RYR1: variants seen among roughly 807,000 people sequenced by gnomAD.
The protein encoded by RYR1 is central core disease of muscle.
In RYR1, 342 loss-of-function variants were observed where a neutral mutation model predicts 583.5. That is an observed-to-expected ratio of 0.59 (90% confidence interval 0.54 to 0.64). The LOEUF (loss-of-function observed/expected upper bound fraction) is 0.64, where lower values mean the gene tolerates loss of function less well. Among genes scored for constraint, RYR1 ranks in the 30% least tolerant of loss-of-function variants. The pLI is 0.00. For synonymous variants in RYR1, 2,791 were observed against 2,822.5 expected, an observed-to-expected ratio of 0.99 and a Z score of 0.35; for missense variants, 6,032 against 6,917.2, an observed-to-expected ratio of 0.87 and a Z score of 4.54.
At position 38,565,452 on chromosome 19, in the gene RYR1, A is replaced by G. The variant is rs2145845951; in HGVS notation, c.13118A>G (p.Lys4373Arg). 1 of 1,499,104 alleles carries G rather than the reference A, an allele frequency of 6.7e-7. No homozygotes were observed. Among genetic ancestry groups the G allele is most frequent in the East Asian group, 2.8e-5 (1 of 36,192 alleles). The allele number at this position is 1,499,104 out of a possible 1,614,324, so 92.9% of individuals were successfully genotyped here. ...FGGGLVEGAK[K>R]VTVTELLAGM... ...GGCGGCCTGGTGGAGGGCGCCAAGAAGGTGACGGTGACCGAGCTCCTGGCA... is the reference window on the plus strand; with the variant it reads ...GGCGGCCTGGTGGAGGGCGCCAAGAGGGTGACGGTGACCGAGCTCCTGGCA... The change falls in exon 91 of 106, where the codon AAG becomes AGG. Residue 4373 changes from lysine (K) to arginine (R), a missense_variant. Around this residue, in one of 11 missense-constraint regions of RYR1, gnomAD observed 753 missense variants for 759.6 expected, o/e 0.99. Transcript: ENST00000359596. This position sits in a 1 kb window ranked among gnomAD's most constrained non-coding sequence, Gnocchi z 4.7.
Position 38,485,649 on chromosome 19 carries a change from C to T in RYR1, c.4994C>T (p.Thr1665Ile), listed in dbSNP as rs1458708069. 1 of 1,610,656 alleles carries T rather than the reference C, an allele frequency of 6.2e-7. No homozygotes were observed. The highest frequency in any genetic ancestry group is 8.5e-7 in the Non-Finnish European group (1 of 1,179,944). The part of the protein sequence containing the change: ...RLDLQRFHSH[T>I]LRLYRAVCAL... ...GACCTGCAGCGCTTCCACTCGCACA[C>T]CCTGCGCCTCTACCGCGCTGTGTGC... Residue 1665 changes from threonine (T) to isoleucine (I), a missense_variant, in exon 34 of 106, where the codon ACC becomes ATC. Coordinates refer to ENST00000359596, the MANE Select transcript of RYR1 (RefSeq NM_000540.3).
chr19:38,567,017 C>T (rs1385745731), intron 92 of RYR1, 30 bp downstream of exon 92: 3 of 1,561,400 alleles, frequency 1.9e-6, no homozygotes, highest in East Asian at 2.4e-5. Context: ...AGGGGCCTAG[C>T]CCCTATCACT....
chr19:38,512,500 C>T lies in RYR1; in HGVS notation c.9472+17C>T, dbSNP rs775333162. 11 of 1,605,882 alleles carry T rather than the reference C, an allele frequency of 6.8e-6. No homozygotes were observed. The highest frequency in any genetic ancestry group is 9.3e-6 in the Non-Finnish European group (11 of 1,178,942). On this transcript the variant is annotated intron_variant, in intron 63 of 105. Coordinates refer to ENST00000359596, the MANE Select transcript of RYR1 (RefSeq NM_000540.3). The surrounding 1 kb of genome is among the most constrained non-coding windows in gnomAD (Gnocchi z 5.1). The stretch of plus-strand genomic sequence containing the variant: ...ACGTCATCCGTAAGGGCGCCTGACC[C>T]AAGGGCAGGTTGCGGGGAGTCAGTG...
At chr19:38,586,444 G>T (rs953586007) in intron 104 of RYR1, 81 bp from the exon 105 acceptor site, 4 of 1,437,200 alleles carry the variant, frequency 2.8e-6, no homozygotes, top group African/African-American at 2.8e-5. Flanking sequence ...AACATAGCAA[G>T]ACTTCCTCTC....
intron 89 of RYR1, among the ~76,000 whole-genome samples, chr19:38,553,881 C>T (rs1476543648): frequency 2.6e-5 from 4 of 152,144 alleles, no homozygotes; most frequent in African/African-American, 9.7e-5. Flanking sequence ...ATAACATATT[C>T]TGGAGATATA....
intron 101 of RYR1, among the ~76,000 whole-genome samples, chr19:38,582,994 G>T (rs1974283489): frequency 1.3e-5 from 2 of 151,964 alleles, no homozygotes; most frequent in South Asian, 4.2e-4. Flanking sequence ...ACATCCTGGG[G>T]ACACGGAAAG....
At chr19:38,571,779 C>T (rs1973726258) in intron 94 of RYR1, among the ~76,000 whole-genome samples, 1 of 152,194 alleles carries the variant, frequency 6.6e-6, no homozygotes, top group African/African-American at 2.4e-5. Context: ...TTTAGGGCTC[C>T]ACTATCAAGA....
chr19:38,443,397 CAG>C (rs1432556311), intron 3 of RYR1, among the ~76,000 whole-genome samples, 159 bp from the exon 4 acceptor site: 2 of 152,298 alleles, frequency 1.3e-5, no homozygotes, highest in Middle Eastern at 3.4e-3. Context: ...GAAACTGAGG[CAG>C]AGAGTCCTGC....
In RYR1 at chr19:38,507,727, G is replaced by A; in HGVS notation, c.8832G>A (p.Met2944Ile). The change falls in exon 58 of 106, where the codon ATG becomes ATA. Residue 2944 changes from methionine (M) to isoleucine (I), a missense_variant. Coordinates refer to ENST00000359596, the MANE Select transcript of RYR1 (RefSeq NM_000540.3). Reference sequence around the variant, plus strand: ...CTCCATGCAGAGGCCTTAAGGACATGGAACTGGACTCGTCTTCCATTGAAA... The same window carrying A: ...CTCCATGCAGAGGCCTTAAGGACATAGAACTGGACTCGTCTTCCATTGAAA... ...GYAVTRGLKD[M>I]ELDSSSIEKR... is the part of the protein sequence containing the mutation. The A allele has an allele frequency of 6.2e-7, 1 of 1,612,114 alleles. No homozygotes were observed. The highest frequency in any genetic ancestry group is 8.5e-7 in the Non-Finnish European group (1 of 1,178,198).
At position 38,568,029 on chromosome 19, in the gene RYR1, A is replaced by C. The variant is rs1973527905; in HGVS notation, c.13659+112A>C. The C allele has an allele frequency of 1.5e-5, 20 of 1,290,770 alleles. 1 individual carries two copies. The South Asian group carries it at 2.5e-4, about 16-fold the overall frequency. The allele number at this position is 1,290,770 out of a possible 1,614,324, so 80.0% of individuals were successfully genotyped here. A position where few individuals can be genotyped will look rare whatever the true frequency, so the allele number is the denominator to read the frequency against. On this transcript the variant is annotated intron_variant, in intron 93 of 105. Transcript: ENST00000359596. ...AGTTCATCTGTTCAAGCTCGTCTCT[A>C]AGAAGAACCCTAGCTGGGGAAAGGG...
At chr19:38,527,410 T>C in intron 72 of RYR1, 1 of 576,012 alleles carries the variant, frequency 1.7e-6, no homozygotes, top group Non-Finnish European at 3.0e-6. Context: ...CTCAGGAGGC[T>C]GAAGCAGGAG....
chr19:38,561,490 G>A lies in RYR1; in HGVS notation c.12624+36G>A. The A allele has an allele frequency of 6.3e-7, 1 of 1,579,498 alleles. No homozygotes were observed. Among genetic ancestry groups the A allele is most frequent in the Non-Finnish European group, 8.6e-7 (1 of 1,164,520 alleles). On this transcript the variant is annotated intron_variant, in intron 90 of 105. Coordinates refer to ENST00000359596, the MANE Select transcript of RYR1 (RefSeq NM_000540.3). The surrounding 1 kb of genome is among the most constrained non-coding windows in gnomAD (Gnocchi z 4.8). ...CCGCGCGCGTGCAAGCTCGCCTCCT[G>A]GGGCTTCGGGCATGCGGGTGCTCAC...
In RYR1 at chr19:38,505,326, C is replaced by A. The variant is rs776168682; in HGVS notation, c.8328C>A (p.Ser2776=). ...WAFDKIQNNW[S]YGENIDEELK... Reference sequence around the variant, plus strand: ...ATCTCTAGATCCAGAACAACTGGTCCTATGGAGAGAACATAGACGAGGAGC... The same window carrying A: ...ATCTCTAGATCCAGAACAACTGGTCATATGGAGAGAACATAGACGAGGAGC... Residue 2776 remains serine (S), a synonymous_variant, in exon 53 of 106, where the codon TCC becomes TCA. Transcript: ENST00000359596. The A allele has an allele frequency of 1.2e-6, 2 of 1,611,792 alleles. No homozygotes were observed. The highest frequency in any genetic ancestry group is 3.3e-5 in the Admixed American group (2 of 59,868).
intron 25 of RYR1, 57 bp from the exon 26 acceptor site, chr19:38,468,909 T>A: frequency 6.4e-7 from 1 of 1,572,386 alleles, no homozygotes; most frequent in Non-Finnish European, 8.7e-7. Context: ...TGCTTCCTTA[T>A]CTCTCCATTT....
chr19:38,517,205 T>C (rs1971009309), intron 65 of RYR1, among the ~76,000 whole-genome samples, 154 bp from the exon 66 acceptor site: 1 of 149,974 alleles, frequency 6.7e-6, no homozygotes, highest in Non-Finnish European at 1.5e-5. Context: ...GGAGAGGTAG[T>C]TGGGTTGGAG....
rs769650157 is a variant in RYR1, at chr19:38,446,480, A to G, written c.640A>G (p.Thr214Ala). The change falls in exon 8 of 106, where the codon ACG (threonine) becomes GCG (alanine). Residue 214 changes from threonine to alanine, a missense_variant. Coordinates refer to ENST00000359596, the MANE Select transcript of RYR1 (RefSeq NM_000540.3). ...ICSRCEEGFV[T>A]GGHVLRLFHG... ...CCCTTGCTCCTCTCCAGGCTTCGTG[A>G]CGGGAGGTCACGTCCTCCGCCTCTT... 19 of 1,613,640 alleles carry G rather than the reference A, an allele frequency of 1.2e-5. No homozygotes were observed. The highest frequency in any genetic ancestry group is 1.6e-5 in the Non-Finnish European group (19 of 1,179,588).
rs373980200 is a variant in RYR1, at chr19:38,452,719, C to T, written c.1245-100C>T. The T allele has an allele frequency of 3.1e-4, 327 of 1,066,914 alleles. No individual in the cohort carries two copies. The African/African-American group carries it at 3.7e-3, about 12-fold the overall frequency. 66.1% of individuals were successfully genotyped at this position (1,066,914 alleles called of 1,614,324 possible). A position where few individuals can be genotyped will look rare whatever the true frequency, so the allele number is the denominator to read the frequency against. On this transcript the variant is annotated intron_variant, in intron 12 of 105. Coordinates refer to ENST00000359596, the MANE Select transcript of RYR1 (RefSeq NM_000540.3). ...CGTCTCGGTCTCCCTCTCTGTAAAA[C>T]GGGTGGGTCTGGGGGAGTCTTGCGG...
intron 27 of RYR1, among the ~76,000 whole-genome samples, chr19:38,472,855 AAAG>A (rs987197140): frequency 5.4e-5 from 8 of 149,138 alleles, no homozygotes; most frequent in South Asian, 2.1e-4. Flanking sequence ...AAAAAAAAAA[AAAG>A]AAGTCTGAGA....
intron 27 of RYR1, among the ~76,000 whole-genome samples, chr19:38,470,519 C>T (rs1046983629): frequency 6.6e-6 from 1 of 151,620 alleles, no homozygotes; most frequent in Admixed American, 6.6e-5. Context: ...GCGGGCAGAT[C>T]ACTTGAGCCC....
Sources: allele counts gnomAD v4.1 joint callset (sites outside exome capture counted in the v4.1 genomes callset), GRCh38; gene constraint gnomAD v4.1.1; regional missense constraint gnomAD v4.1.1; non-coding constraint Gnocchi (gnomAD v3.1); transcripts MANE v1.5; gene names NCBI Gene and HGNC (gene_info 2026-07-23, HGNC 2026-07-21).